WDHD1: variants seen among roughly 807,000 people sequenced by gnomAD.
WDHD1 encodes the protein WD repeat and HMG-box DNA binding protein 1.
WDHD1 carries 111 observed loss-of-function variants against 135.4 expected under a neutral mutation model. The observed-to-expected ratio is 0.82, with a 90% confidence interval of 0.70 to 0.96. The LOEUF is 0.96. WDHD1 is among the 40% of genes least tolerant of loss of function. The pLI is 0.00. For missense variants in WDHD1, 1,351 were observed against 1,336.3 expected, an observed-to-expected ratio of 1.01 and a Z score of -0.17; for synonymous variants, 434 against 439.0, an observed-to-expected ratio of 0.99 and a Z score of 0.14.
At chr14:55,005,433 C>G in intron 7 of WDHD1, 2 of 569,810 alleles carry the variant, frequency 3.5e-6, no homozygotes, top group South Asian at 2.8e-5. Context: ...TTCAGCATGG[C>G]CTTCGGACCA....
At chr14:54,950,464 AT>A (rs1295705871) in intron 24 of WDHD1, among the ~76,000 whole-genome samples, 6 of 152,118 alleles carry the variant, frequency 3.9e-5, no homozygotes, top group African/African-American at 1.4e-4. Flanking sequence ...CTAAATATAT[AT>A]GCACCCAATA....
Position 54,962,823 on chromosome 14 carries a change from T to C in WDHD1, c.2562A>G (p.Gln854=), listed in dbSNP as rs755991594. Residue 854 remains glutamine, a synonymous_variant, in exon 20 of 26, where the codon CAA becomes CAG. Transcript: ENST00000360586. The stretch of plus-strand genomic sequence containing the variant: ...CTTCAACTTGATTTCTGAACCTTGG[T>C]TGGCTCCACTCTGTAGCAGTATTGC... ...GYSNTATEWS[Q]PRFRNQVEED... 1.2e-6 allele frequency: 2 copies of C among 1,613,072 alleles called. No individual in the cohort carries two copies. The highest frequency in any genetic ancestry group is 1.7e-6 in the Non-Finnish European group (2 of 1,180,014).
At chr14:54,948,121 T>C (rs963766692) in intron 24 of WDHD1, among the ~76,000 whole-genome samples, 3 of 151,882 alleles carry the variant, frequency 2.0e-5, no homozygotes, top group African/African-American at 4.8e-5. Flanking sequence ...GCTCCCAGCA[T>C]GAGCGATGCA....
intron 7 of WDHD1, among the ~76,000 whole-genome samples, chr14:55,003,654 C>T (rs1224740904): frequency 1.3e-5 from 2 of 150,916 alleles, no homozygotes; most frequent in African/African-American, 5.0e-5. Context: ...ACCTCTGCCT[C>T]CCAGGTTCAA....
At position 54,984,748 on chromosome 14, in the gene WDHD1, A is replaced by G. The variant is rs2041670514; in HGVS notation, c.1881T>C (p.Leu627=). The G allele has an allele frequency of 6.2e-7, 1 of 1,612,966 alleles. No individual in the cohort carries two copies. Among genetic ancestry groups the G allele is most frequent in the African/African-American group, 1.3e-5 (1 of 74,842 alleles). ...DPLPLTRKSY[L]AWIGFSAEGT... ...CTTCAGCTGAAAACCCAATCCATGC[A>G]AGGTAGGATTTCCTTGTAAGAGGAA... Residue 627 remains leucine (L), a synonymous_variant, in exon 15 of 26, where the codon CTT becomes CTC. Coordinates refer to ENST00000360586, the MANE Select transcript of WDHD1 (RefSeq NM_007086.4).
At chr14:54,982,311 T>A (rs1163554303) in intron 15 of WDHD1, among the ~76,000 whole-genome samples, 3 of 152,124 alleles carry the variant, frequency 2.0e-5, no homozygotes, top group Admixed American at 2.0e-4. Context: ...GCCCGGCCGA[T>A]AATAATTTTA....
At chr14:54,986,199 C>G (rs932584553) in intron 14 of WDHD1, among the ~76,000 whole-genome samples, 1 of 152,026 alleles carries the variant, frequency 6.6e-6, no homozygotes, top group Non-Finnish European at 1.5e-5. Context: ...TAATTTGCAA[C>G]TAGCATTTTA....
chr14:55,008,459 A>T, intron 5 of WDHD1, 93 bp from the exon 6 acceptor site: 1 of 1,479,890 alleles, frequency 6.8e-7, no homozygotes, highest in South Asian at 1.3e-5. Flanking sequence ...CCCTTTTATC[A>T]ACTGGGTGAA....
At chr14:54,957,529 G>T in intron 22 of WDHD1, 63 bp downstream of exon 22, 3 of 1,383,076 alleles carry the variant, frequency 2.2e-6, no homozygotes, top group Non-Finnish European at 2.0e-6. Context: ...CTCATCATTT[G>T]GAAATATTTC....
rs140442475 is a variant in WDHD1, at chr14:54,988,089, A to G, written c.1527-702T>C. Among the ~76,000 whole-genome samples, 696 of 152,264 alleles carry G rather than the reference A, an allele frequency of 4.6e-3. 6 individuals are homozygous for G. The highest frequency in any genetic ancestry group is 0.016 in the African/African-American group (654 of 41,542). ...TTGAAAAGAAAAACATTCTGCACCCATTGCTTTCCCATCATAATTTTTTTC... is the reference window on the plus strand; with the variant it reads ...TTGAAAAGAAAAACATTCTGCACCCGTTGCTTTCCCATCATAATTTTTTTC... On this transcript the variant is annotated intron_variant, in intron 13 of 25. Transcript: ENST00000360586.
chr14:54,943,384 A>G (rs1442663396), intron 25 of WDHD1, among the ~76,000 whole-genome samples: 1 of 152,094 alleles, frequency 6.6e-6, no homozygotes, highest in East Asian at 1.9e-4. Flanking sequence ...ATGTGAATTC[A>G]TTTTTACTTA....
chr14:55,004,839 T>C (rs999344351), intron 7 of WDHD1: 1 of 501,728 alleles, frequency 2.0e-6, no homozygotes, highest in Non-Finnish European at 4.0e-6. Context: ...GTTGTTCCTA[T>C]GCATTCAGTG....
chr14:54,955,369 C>T (rs2041135379), intron 24 of WDHD1, among the ~76,000 whole-genome samples, 192 bp downstream of exon 24: 1 of 152,074 alleles, frequency 6.6e-6, no homozygotes, highest in African/African-American at 2.4e-5. Context: ...TTTATTAAAG[C>T]ATATTTTAAT....
chr14:54,942,359 T>C (rs2040854048), intron 25 of WDHD1, among the ~76,000 whole-genome samples: 1 of 152,210 alleles, frequency 6.6e-6, no homozygotes. Context: ...AGATCCTGTG[T>C]AGCCTTCACC....
chr14:54,993,538 T>G (rs2041825454), intron 11 of WDHD1, among the ~76,000 whole-genome samples: 1 of 152,242 alleles, frequency 6.6e-6, no homozygotes, highest in African/African-American at 2.4e-5. Context: ...CATCAAAGAA[T>G]ATCCACAATT....
At chr14:54,942,970 T>C (rs2040862372) in intron 25 of WDHD1, among the ~76,000 whole-genome samples, 1 of 152,342 alleles carries the variant, frequency 6.6e-6, no homozygotes, top group South Asian at 2.1e-4. Context: ...AAACATAAAA[T>C]TGTAAATGAG....
At chr14:54,944,617 T>TG (rs2040891441) in intron 24 of WDHD1, 147 bp from the exon 25 acceptor site, 2 of 106,014 alleles carry the variant, frequency 1.9e-5, no homozygotes, top group Admixed American at 1.0e-4. Flanking sequence ...TTCATGTTAC[T>TG]TTTTTTTTTT....
At position 54,949,197 on chromosome 14, in the gene WDHD1, C is replaced by A. The variant is rs144800098; in HGVS notation, c.3051-4727G>T. Among the ~76,000 whole-genome samples, 975 of 152,200 alleles carry A rather than the reference C, an allele frequency of 6.4e-3. 12 individuals carry two copies. Among genetic ancestry groups the A allele is most frequent in the African/African-American group, 0.022 (910 of 41,528 alleles). ...GAGAAGAAGGCTTCAGACGATCAAA[C>A]CTCTCCGAGCTAAAGGAGGAAGTTC... On this transcript the variant is annotated intron_variant, in intron 24 of 25. Transcript: ENST00000360586.
intron 14 of WDHD1, among the ~76,000 whole-genome samples, chr14:54,986,624 T>A (rs1220786907): frequency 1.3e-5 from 2 of 152,062 alleles, no homozygotes; most frequent in African/African-American, 4.8e-5. Context: ...GAGCTGCCAG[T>A]GAGGAAAAAT....
Sources: allele counts gnomAD v4.1 joint callset (sites outside exome capture counted in the v4.1 genomes callset), GRCh38; gene constraint gnomAD v4.1.1; transcripts MANE v1.5; gene names NCBI Gene and HGNC (gene_info 2026-07-23, HGNC 2026-07-21).